The following SLC44A5 variants were observed in gnomAD, a reference collection of about 807,000 sequenced individuals.
SLC44A5 encodes the protein solute carrier family 44 member 5, also known as choline transporter-like protein 5.
In SLC44A5, 57 loss-of-function variants were observed where a neutral mutation model predicts 101.8. The observed-to-expected ratio is 0.56, with a 90% CI of 0.45 to 0.70. The LOEUF (loss-of-function observed/expected upper bound fraction) is 0.70. Ranked by LOEUF, SLC44A5 falls within the 30% of genes least tolerant of loss-of-function variation. The pLI is 0.00. For missense variants in SLC44A5, 737 were observed against 853.1 expected, an observed-to-expected ratio of 0.86 and a Z score of 1.70; for synonymous variants, 281 against 290.9, an observed-to-expected ratio of 0.97 and a Z score of 0.35.
At chr1:75,244,614 T>C (rs1164229762) in intron 7 of SLC44A5, among the ~76,000 whole-genome samples, 2 of 151,938 alleles carry the variant, frequency 1.3e-5, no homozygotes, top group Admixed American at 6.6e-5. Context: ...ACCAATACCA[T>C]CTAAATGTGG....
chr1:75,431,169 G>A (rs1200159025), intron 2 of SLC44A5, among the ~76,000 whole-genome samples: 1 of 152,162 alleles, frequency 6.6e-6, no homozygotes, highest in Non-Finnish European at 1.5e-5. Context: ...AATACTTGAA[G>A]TAAACACCGG....
chr1:75,615,588 G>A (rs954485878), upstream of SLC44A5, among the ~76,000 whole-genome samples: 1 of 152,000 alleles, frequency 6.6e-6, no homozygotes, highest in Non-Finnish European at 1.5e-5. Flanking sequence ...ACCCAAGCTC[G>A]CCGAGTAGCA....
chr1:75,718,694 G>C, the SLC44A5 span, among the ~76,000 whole-genome samples: 1 of 152,168 alleles, frequency 6.6e-6, no homozygotes, highest in Non-Finnish European at 1.5e-5. Context: ...GTGAGGAGTT[G>C]CTGGATACCA....
intron 2 of SLC44A5, among the ~76,000 whole-genome samples, chr1:75,516,076 TATA>T (rs1478053572): frequency 6.6e-6 from 1 of 152,228 alleles, no homozygotes; most frequent in African/African-American, 2.4e-5. Context: ...GTTTTCCAAT[TATA>T]ATAGAGCCAC....
intron 4 of SLC44A5, among the ~76,000 whole-genome samples, chr1:75,318,750 T>G (rs1655908733): frequency 6.6e-6 from 1 of 152,214 alleles, no homozygotes; most frequent in South Asian, 2.1e-4. Context: ...AGCTTCATTT[T>G]TGCCAGCACA....
intron 2 of SLC44A5, among the ~76,000 whole-genome samples, chr1:75,470,116 G>A (rs993745111): frequency 6.6e-6 from 1 of 151,974 alleles, no homozygotes; most frequent in African/African-American, 2.4e-5. Context: ...GAGCAACTAA[G>A]GAATAACCCT....
chr1:75,320,524 T>C (rs975839383), intron 4 of SLC44A5, among the ~76,000 whole-genome samples: 1 of 152,108 alleles, frequency 6.6e-6, no homozygotes, highest in Non-Finnish European at 1.5e-5. Flanking sequence ...AAACCAAAGA[T>C]ATATACATAT....
chr1:75,300,535 T>C, intron 5 of SLC44A5, 77 bp downstream of exon 5: 1 of 981,712 alleles, frequency 1.0e-6, no homozygotes, highest in Non-Finnish European at 1.5e-6. Flanking sequence ...AGACAATAAT[T>C]AATTTTTTAT....
the SLC44A5 span, among the ~76,000 whole-genome samples, chr1:75,635,715 A>T: frequency 6.6e-6 from 1 of 151,136 alleles, no homozygotes; most frequent in Non-Finnish European, 1.5e-5. Context: ...CTAAATGACG[A>T]GTTAATGGGT....
intron 2 of SLC44A5, among the ~76,000 whole-genome samples, chr1:75,538,841 T>C (rs1236994146): frequency 6.6e-6 from 1 of 152,218 alleles, no homozygotes; most frequent in Non-Finnish European, 1.5e-5. Context: ...GGCATTCCTC[T>C]GTGCTGTTCC....
chr1:75,682,142 G>C, the SLC44A5 span, among the ~76,000 whole-genome samples: 1 of 152,132 alleles, frequency 6.6e-6, no homozygotes, highest in South Asian at 2.1e-4. Context: ...ATGCTCATGG[G>C]TAGGAAGAAT....
At chr1:75,598,030 G>T (rs759533648) in intron 1 of SLC44A5, among the ~76,000 whole-genome samples, 3 of 151,904 alleles carry the variant, frequency 2.0e-5, no homozygotes, top group Non-Finnish European at 4.4e-5. Flanking sequence ...GAAAATTTTT[G>T]CAACTATGCA....
Position 75,376,028 on chromosome 1 carries a change from G to T in SLC44A5, c.52+20555C>A, listed in dbSNP as rs555914410. ...GGCGAGGCATTGCCTCACTTGGGAA[G>T]TGCAAGGGGTCAGGGAGTTCCCTTT... On this transcript the variant is annotated intron_variant, in intron 3 of 23. Transcript: ENST00000370859. Among the ~76,000 whole-genome samples, 5 of 152,352 alleles carry T rather than the reference G, an allele frequency of 3.3e-5. No homozygotes were observed. The South Asian group carries it at 1.0e-3, about 32-fold the overall frequency.
the SLC44A5 span, among the ~76,000 whole-genome samples, chr1:75,666,787 C>A: frequency 1.3e-5 from 2 of 152,194 alleles, no homozygotes; most frequent in African/African-American, 2.4e-5. Flanking sequence ...TCAACATACA[C>A]AAGTCAATAA....
the SLC44A5 span, among the ~76,000 whole-genome samples, chr1:75,679,176 G>A: frequency 6.6e-6 from 1 of 152,186 alleles, no homozygotes; most frequent in African/African-American, 2.4e-5. Context: ...GAACCAAGTT[G>A]GAAAACACTC....
chr1:75,308,306 T>C (rs769060599), intron 4 of SLC44A5, among the ~76,000 whole-genome samples: 5 of 152,230 alleles, frequency 3.3e-5, no homozygotes, highest in Non-Finnish European at 7.3e-5. Context: ...TCTAAACTGC[T>C]TGCATTTGGG....
chr1:75,547,598 C>G (rs1455830245), intron 1 of SLC44A5, among the ~76,000 whole-genome samples: 1 of 152,160 alleles, frequency 6.6e-6, no homozygotes, highest in South Asian at 2.1e-4. Flanking sequence ...AGACATTTTG[C>G]TTTTTGAGTC....
intron 2 of SLC44A5, among the ~76,000 whole-genome samples, chr1:75,430,349 A>C (rs1024008126): frequency 6.6e-6 from 1 of 152,076 alleles, no homozygotes; most frequent in African/African-American, 2.4e-5. Flanking sequence ...TCATTCCTTG[A>C]TCTTGAGCTC....
At chr1:75,562,468 T>C (rs1194947602) in intron 1 of SLC44A5, among the ~76,000 whole-genome samples, 2 of 152,006 alleles carry the variant, frequency 1.3e-5, no homozygotes, top group Non-Finnish European at 2.9e-5. Flanking sequence ...GAGGCTGAGG[T>C]AGGCAGATCG....
Sources: allele counts gnomAD v4.1 joint callset (sites outside exome capture counted in the v4.1 genomes callset), GRCh38; gene constraint gnomAD v4.1.1; transcripts MANE v1.5; gene names NCBI Gene and HGNC (gene_info 2026-07-23, HGNC 2026-07-21).